The following PLCG2 variants were observed in gnomAD, a reference collection of about 807,000 sequenced individuals.
The protein encoded by PLCG2 is 1-phosphatidylinositol 4,5-bisphosphate phosphodiesterase gamma-2.
PLCG2 carries 69 observed loss-of-function variants against 175.6 expected under a neutral mutation model. The ratio of observed to expected loss-of-function variants is 0.39; its 90% CI spans 0.32 to 0.48. PLCG2 has a LOEUF of 0.48. Among genes scored for constraint, PLCG2 ranks in the 20% least tolerant of loss-of-function variants. PLCG2 has a pLI of 0.91. For missense variants in PLCG2, 1,798 were observed against 1,650.9 expected (o/e 1.09, Z -1.54); for synonymous variants, 827 against 624.0 (o/e 1.33, Z -4.85).
chr16:81,850,865 C>T (rs561626341), intron 2 of PLCG2, among the ~76,000 whole-genome samples: 13 of 152,284 alleles, frequency 8.5e-5, no homozygotes, highest in South Asian at 4.2e-4. Context: ...CCTGCACATG[C>T]GGGCAATAGG....
intron 9 of PLCG2, 34 bp downstream of exon 9, chr16:81,883,375 G>A (rs898139798): frequency 1.9e-6 from 3 of 1,567,624 alleles, no homozygotes; most frequent in African/African-American, 2.7e-5. Flanking sequence ...GCCTGAGGGA[G>A]CTGGCGGGAT....
intron 2 of PLCG2, among the ~76,000 whole-genome samples, chr16:81,786,750 C>G (rs1910989984): frequency 6.6e-6 from 1 of 152,200 alleles, no homozygotes; most frequent in Non-Finnish European, 1.5e-5. Context: ...CCTAAAGTTT[C>G]TAAGACTGTT....
At chr16:81,931,353 G>A in intron 24 of PLCG2, 144 bp from the exon 25 acceptor site, 1 of 670,408 alleles carries the variant, frequency 1.5e-6, no homozygotes, top group East Asian at 2.6e-5. Flanking sequence ...TACCCCGATG[G>A]AAAGTAGACG....
intron 3 of PLCG2, 150 bp downstream of exon 3, chr16:81,854,737 G>T (rs116993118): frequency 1.6e-4 from 115 of 726,060 alleles, no homozygotes; most frequent in Non-Finnish European, 2.4e-4. Context: ...CTTTCTAGCT[G>T]TGTGTCTTTA....
intron 2 of PLCG2, among the ~76,000 whole-genome samples, chr16:81,789,528 A>G (rs1268810787): frequency 6.6e-6 from 1 of 152,130 alleles, no homozygotes; most frequent in Non-Finnish European, 1.5e-5. Context: ...GCCTCAAGTG[A>G]TCCTCCCACC....
intron 2 of PLCG2, among the ~76,000 whole-genome samples, chr16:81,770,043 T>C (rs1349834856): frequency 2.0e-5 from 3 of 152,170 alleles, no homozygotes; most frequent in African/African-American, 7.2e-5. Context: ...ATTCAATAAA[T>C]GTTGTGGATT....
intron 19 of PLCG2, 77 bp from the exon 20 acceptor site, chr16:81,919,407 T>G: frequency 8.8e-7 from 1 of 1,135,340 alleles, no homozygotes; most frequent in Non-Finnish European, 1.3e-6. Context: ...AGGTTGTATC[T>G]AATCAGTAGG....
intron 1 of PLCG2, among the ~76,000 whole-genome samples, chr16:81,748,896 A>C (rs1379363615): frequency 6.6e-6 from 1 of 152,210 alleles, no homozygotes; most frequent in Non-Finnish European, 1.5e-5. Context: ...ATGCTGGCAG[A>C]GCTGGGATTG....
intron 2 of PLCG2, among the ~76,000 whole-genome samples, chr16:81,771,391 G>A (rs1046897851): frequency 1.3e-5 from 2 of 152,142 alleles, no homozygotes; most frequent in African/African-American, 4.8e-5. Flanking sequence ...AAGCACTGAT[G>A]AGTTTTGTGA....
At chr16:81,754,925 T>C (rs1485046660) in intron 1 of PLCG2, among the ~76,000 whole-genome samples, 2 of 152,134 alleles carry the variant, frequency 1.3e-5, no homozygotes, top group Admixed American at 1.3e-4. Flanking sequence ...ACAAAGGTCA[T>C]CAAAAAGGGA....
chr16:81,812,135 C>T (rs9674416), intron 2 of PLCG2, among the ~76,000 whole-genome samples: 149,486 of 150,202 alleles, frequency 1, 74,388 homozygotes, highest in East Asian at 1. Context: ...CTGCAAGCTC[C>T]GCCTCCTGGG....
chr16:81,751,465 G>T lies in PLCG2; in HGVS notation c.-144-4405G>T, dbSNP rs112604891. On this transcript the variant is annotated intron_variant, in intron 1 of 5. Coordinates refer to the PLCG2 transcript ENST00000565054. ...AGAGAGTAGAATGGTGGTTACAGAGGCTCGAGGACGGGAAATGGGGAGATG... is the reference window on the plus strand; with the variant it reads ...AGAGAGTAGAATGGTGGTTACAGAGTCTCGAGGACGGGAAATGGGGAGATG... 3.8e-3 allele frequency among the ~76,000 whole-genome samples: 580 copies of T among 152,310 alleles called. 4 individuals are homozygous for T. Among genetic ancestry groups the T allele is most frequent in the African/African-American group, 0.013 (553 of 41,560 alleles).
intron 8 of PLCG2, among the ~76,000 whole-genome samples, chr16:81,881,800 C>G (rs1174915044): frequency 1.3e-5 from 2 of 148,420 alleles, no homozygotes; most frequent in Admixed American, 1.3e-4. Flanking sequence ...TCCATCATGT[C>G]CAGCTATTGT....
intron 2 of PLCG2, among the ~76,000 whole-genome samples, chr16:81,765,329 C>T (rs945565487): frequency 3.9e-5 from 6 of 152,328 alleles, no homozygotes; most frequent in East Asian, 3.9e-4. Context: ...GCAGAGCCTC[C>T]GGAAGAAAGC....
At chr16:81,870,491 T>A (rs1381866381) in intron 6 of PLCG2, among the ~76,000 whole-genome samples, 2 of 152,192 alleles carry the variant, frequency 1.3e-5, no homozygotes, top group East Asian at 1.9e-4. Flanking sequence ...GAGTTACGCA[T>A]CATGTCTCTT....
chr16:81,924,529 G>C (rs963075102), intron 22 of PLCG2, among the ~76,000 whole-genome samples: 1 of 152,236 alleles, frequency 6.6e-6, no homozygotes, highest in African/African-American at 2.4e-5. Flanking sequence ...CACTTGTCCA[G>C]GGCCACATAG....
intron 30 of PLCG2, among the ~76,000 whole-genome samples, chr16:81,942,418 A>G (rs1305518107): frequency 1.3e-5 from 2 of 152,124 alleles, no homozygotes; most frequent in African/African-American, 2.4e-5. Flanking sequence ...ACCTTTCCTC[A>G]CTTCTTTCTA....
chr16:81,777,107 A>G (rs1910428054), upstream of PLCG2, among the ~76,000 whole-genome samples: 1 of 112,734 alleles, frequency 8.9e-6, no homozygotes, highest in African/African-American at 3.7e-5. Context: ...CTATAGGCTC[A>G]CAGGCATAGA....
chr16:81,777,922 C>A (rs193291199), upstream of PLCG2, among the ~76,000 whole-genome samples: 14 of 149,324 alleles, frequency 9.4e-5, no homozygotes, highest in Non-Finnish European at 2.1e-4. Flanking sequence ...GAGGCTGAGG[C>A]AGGAGAATCG....
Sources: gnomAD v4.1 joint callset for allele counts (sites outside exome capture counted in the v4.1 genomes callset) on GRCh38, gnomAD v4.1.1 for gene constraint, MANE v1.5 for transcripts, NCBI Gene and HGNC (gene_info 2026-07-23, HGNC 2026-07-21) for gene names.